UBXN11: variants seen among roughly 807,000 people sequenced by gnomAD.
UBXN11 encodes the protein UBX domain protein 11, also known as UBX domain-containing protein 11.
Under a neutral mutation model 62.8 loss-of-function variants are expected in UBXN11, and 47 were observed. The observed-to-expected ratio is 0.75, with a 90% CI of 0.59 to 0.95. UBXN11 has a LOEUF of 0.95. Among genes scored for constraint, UBXN11 ranks in the 40% least tolerant of loss-of-function variants. The pLI is 0.00. For synonymous variants in UBXN11, 294 were observed against 267.0 expected (o/e 1.10, Z -0.99); for missense variants, 638 against 661.7 (o/e 0.96, Z 0.39).
At chr1:26,318,231 C>G in exon 1 of UBXN11, 1 of 642,012 alleles carries the variant, frequency 1.6e-6, no homozygotes, top group Admixed American at 2.8e-5. Context: ...GGCCTGGCCG[C>G]CCAGCCTTCC....
chr1:26,284,903 C>A, intron 10 of UBXN11: 1 of 1,006,522 alleles, frequency 9.9e-7, no homozygotes, highest in South Asian at 4.1e-5. Flanking sequence ...CTTAAACACC[C>A]CCGCGTCATG....
At chr1:26,305,691 A>C in intron 1 of UBXN11, among the ~76,000 whole-genome samples, 1 of 152,018 alleles carries the variant, frequency 6.6e-6, no homozygotes, top group African/African-American at 2.4e-5. Context: ...AAAAAAAAAC[A>C]AAACTCCTAA....
chr1:26,295,747 T>C (rs1403051161), intron 7 of UBXN11, among the ~76,000 whole-genome samples: 3 of 152,242 alleles, frequency 2.0e-5, no homozygotes, highest in Non-Finnish European at 4.4e-5. Context: ...CTCTCTGTAC[T>C]TGTGTACCTG....
At chr1:26,300,730 C>T (rs530080339) in intron 4 of UBXN11, among the ~76,000 whole-genome samples, 196 bp downstream of exon 4, 5 of 152,288 alleles carry the variant, frequency 3.3e-5, no homozygotes, top group Admixed American at 3.3e-4. Flanking sequence ...GGGGCTGGGC[C>T]TCGGCCTCCT....
chr1:26,300,453 C>A (rs1293265899), intron 4 of UBXN11, among the ~76,000 whole-genome samples: 6 of 152,224 alleles, frequency 3.9e-5, no homozygotes, highest in African/African-American at 1.4e-4. Flanking sequence ...CCATGTCTCC[C>A]CTTTTCTCAG....
intron 1 of UBXN11, among the ~76,000 whole-genome samples, chr1:26,305,688 A>C (rs997313123): frequency 6.6e-6 from 1 of 152,174 alleles, no homozygotes. Flanking sequence ...GGGAAAAAAA[A>C]ACAAAACTCC....
chr1:26,294,278 C>T lies in UBXN11; in HGVS notation c.486G>A (p.Glu162=). 1 of 1,614,198 alleles carries T rather than the reference C, an allele frequency of 6.2e-7. No individual in the cohort carries two copies. The highest frequency in any genetic ancestry group is 1.1e-5 in the South Asian group (1 of 91,084). Residue 162 remains glutamate (E), a synonymous_variant, in exon 8 of 15, where the codon GAG becomes GAA. Coordinates refer to ENST00000374222, the MANE Select transcript of UBXN11 (RefSeq NM_001389556.1). ...CTGAGACTGTCTTGCTCTCTGAGTCCTCCTGGTCCATGGGCTCGCCCACCC... is the reference window on the plus strand; with the variant it reads ...CTGAGACTGTCTTGCTCTCTGAGTCTTCCTGGTCCATGGGCTCGCCCACCC... ...LQWVGEPMDQ[E]DSESKTVSEH... is the part of the protein sequence containing the mutation.
In UBXN11 at chr1:26,284,857, G is replaced by A. The variant is rs887049349; in HGVS notation, c.853-375C>T. 2.2e-5 allele frequency: 23 copies of A among 1,023,928 alleles called. No homozygotes were observed. In the East Asian group the frequency reaches 1.5e-3, roughly 66 times the overall value. 63.4% of individuals were successfully genotyped at this position (1,023,928 alleles called of 1,614,324 possible). ...CATGTAACCTCACTTGCCTTATCAA[G>A]GCATAGCTCCGAGGTCCCCGCTGTG... is the stretch of plus-strand genomic sequence containing the variant. On this transcript the variant is annotated intron_variant, in intron 10 of 14. Transcript: ENST00000374222.
chr1:26,297,889 A>G, intron 5 of UBXN11, 73 bp downstream of exon 5: 1 of 1,520,724 alleles, frequency 6.6e-7, no homozygotes, highest in Middle Eastern at 1.8e-4. Flanking sequence ...CCCTAGTCCA[A>G]CTCCTGGCCT....
rs559454898 is a variant in UBXN11 at position 26,298,902 on chromosome 1, G to A, written c.200-840C>T. 5.3e-5 allele frequency among the ~76,000 whole-genome samples: 8 copies of A among 152,004 alleles called. No individual in the cohort carries two copies. In the East Asian group the frequency reaches 1.4e-3, roughly 26 times the overall value. ...TTTCTATGTATGAAGCAGGAACCGC[G>A]GCCATCATCCTACAACCACATGAGG... On this transcript the variant is annotated intron_variant, in intron 4 of 14. Transcript: ENST00000374222.
Position 26,284,484 on chromosome 1 carries a change from T to TGGCAAGAAAGAAG in UBXN11, c.853-15_853-3dup. 1 of 1,589,426 alleles carries TGGCAAGAAAGAAG rather than the reference T, an allele frequency of 6.3e-7. No individual in the cohort carries two copies. The highest frequency in any genetic ancestry group is 8.6e-7 in the Non-Finnish European group (1 of 1,163,468). On this transcript the variant is annotated splice_polypyrimidine_tract_variant and splice_region_variant and intron_variant, in intron 10 of 14. Transcript: ENST00000374222. ...GACCTGATTGCGCAAGTCACTCACC[T>TGGCAAGAAAGAAG]GGCAAGAAAGAAGGGCAACGACGGC...
chr1:26,303,892 G>A (rs570625776), intron 1 of UBXN11, among the ~76,000 whole-genome samples: 52 of 152,266 alleles, frequency 3.4e-4, no homozygotes, highest in South Asian at 1.2e-3. Flanking sequence ...GGAAGCACTC[G>A]TAAATGTTAG....
At chr1:26,312,979 CAAAAAAAAAAAAA>C (rs55777309) in intron 1 of UBXN11, among the ~76,000 whole-genome samples, 1 of 48,152 alleles carries the variant, frequency 2.1e-5, no homozygotes, top group Non-Finnish European at 3.4e-5. Flanking sequence ...AACTCTGTCT[CAAAAAAAAAAAAA>C]AAAAAAAAAA....
chr1:26,285,622 C>T (rs2073112001), intron 9 of UBXN11, 81 bp from the exon 10 acceptor site: 27 of 1,426,886 alleles, frequency 1.9e-5, no homozygotes, highest in Non-Finnish European at 2.4e-5. Flanking sequence ...ATGGCAGGCC[C>T]TAGATCCAGG....
At chr1:26,317,247 A>C (rs867437612) in intron 1 of UBXN11, among the ~76,000 whole-genome samples, 2 of 151,954 alleles carry the variant, frequency 1.3e-5, no homozygotes, top group African/African-American at 4.8e-5. Flanking sequence ...AAAAAAACCA[A>C]CAACAACAAA....
chr1:26,313,576 C>G (rs1266164078), intron 1 of UBXN11, among the ~76,000 whole-genome samples: 1 of 152,128 alleles, frequency 6.6e-6, no homozygotes, highest in East Asian at 1.9e-4. Context: ...ATTCCCAGTG[C>G]CTAGTTCAGT....
chr1:26,303,437 G>A (rs1369689652), intron 1 of UBXN11, among the ~76,000 whole-genome samples: 7 of 151,824 alleles, frequency 4.6e-5, no homozygotes, highest in African/African-American at 1.7e-4. Context: ...TCAGCTGTCC[G>A]ACATGGTGAA....
At chr1:26,304,894 C>G (rs191163086) in intron 1 of UBXN11, among the ~76,000 whole-genome samples, 77 of 150,708 alleles carry the variant, frequency 5.1e-4, no homozygotes, top group African/African-American at 1.7e-3. Flanking sequence ...TCCCCCCTGC[C>G]TCAACCTCAA....
At chr1:26,287,603 C>A (rs2073162313) in intron 8 of UBXN11, among the ~76,000 whole-genome samples, 1 of 152,038 alleles carries the variant, frequency 6.6e-6, no homozygotes, top group South Asian at 2.1e-4. Context: ...AATTCCTTTC[C>A]TCTCAGTGGT....
Sources: gnomAD v4.1 joint callset for allele counts (sites outside exome capture counted in the v4.1 genomes callset) on GRCh38, gnomAD v4.1.1 for gene constraint, MANE v1.5 for transcripts, NCBI Gene and HGNC (gene_info 2026-07-23, HGNC 2026-07-21) for gene names.